The following CDH7 variants were observed in gnomAD, a reference collection of about 807,000 sequenced individuals.
CDH7 encodes cadherin 7.
In CDH7, 25 loss-of-function variants were observed where a neutral mutation model predicts 71.8. That is an observed-to-expected ratio of 0.35 (90% confidence interval 0.25 to 0.49). The LOEUF is 0.49. Ranked by LOEUF, CDH7 falls within the 20% of genes least tolerant of loss-of-function variation. The pLI, the probability that CDH7 is intolerant of heterozygous loss-of-function variation, is 0.99. For synonymous variants in CDH7, 381 were observed against 363.8 expected, an observed-to-expected ratio of 1.05 and a Z score of -0.54; for missense variants, 862 against 974.6, an observed-to-expected ratio of 0.88 and a Z score of 1.54.
intron 8 of CDH7, 27 bp downstream of exon 8, chr18:65,857,979 T>G: frequency 6.2e-7 from 1 of 1,608,050 alleles, no homozygotes. Flanking sequence ...AAAACTAAAT[T>G]AAGATGGAGG....
In CDH7 at chr18:65,886,398, G is replaced by A. The variant is rs185770217; in HGVS notation, c.*5504G>A. On this transcript the variant is annotated 3_prime_UTR_variant, in exon 12 of 12. Coordinates refer to ENST00000397968, the MANE Select transcript of CDH7 (RefSeq NM_004361.5). ...TAGATAATTGTCATAATTAATTGAA[G>A]CCACTCAAATACAGTTATTTATAAG... 6.6e-4 allele frequency: 25 copies of A among 37,922 alleles called. No homozygotes were observed. In the East Asian group the frequency reaches 7.0e-3, roughly 11 times the overall value. 2.3% of individuals were successfully genotyped at this position (37,922 alleles called of 1,614,324 possible). A position where few individuals can be genotyped will look rare whatever the true frequency, so the allele number is the denominator to read the frequency against.
At chr18:65,791,189 A>G (rs887671291) in intron 2 of CDH7, among the ~76,000 whole-genome samples, 2 of 152,204 alleles carry the variant, frequency 1.3e-5, no homozygotes, top group Non-Finnish European at 2.9e-5. Flanking sequence ...TTCATTTGAA[A>G]CATGAAACAT....
At chr18:65,779,393 G>T (rs1266194421) in intron 2 of CDH7, among the ~76,000 whole-genome samples, 1 of 111,776 alleles carries the variant, frequency 8.9e-6, no homozygotes, top group Non-Finnish European at 1.8e-5. Context: ...ATGCTGGTGC[G>T]CTGCACCCAC....
At chr18:65,800,712 A>G (rs1193074287) in intron 2 of CDH7, among the ~76,000 whole-genome samples, 1 of 152,176 alleles carries the variant, frequency 6.6e-6, no homozygotes, top group African/African-American at 2.4e-5. Context: ...ATTTAAATAG[A>G]TGTTTATAGA....
intron 3 of CDH7, among the ~76,000 whole-genome samples, chr18:65,811,296 C>A (rs1911526360): frequency 6.6e-6 from 1 of 151,844 alleles, no homozygotes; most frequent in Non-Finnish European, 1.5e-5. Flanking sequence ...TTAAGGGGAT[C>A]ACAGTTTAGT....
intron 6 of CDH7, among the ~76,000 whole-genome samples, chr18:65,841,274 T>C (rs1568214019): frequency 6.6e-6 from 1 of 152,136 alleles, no homozygotes; most frequent in African/African-American, 2.4e-5. Flanking sequence ...TAGATACATT[T>C]AAAAAAACAA....
intron 2 of CDH7, among the ~76,000 whole-genome samples, chr18:65,781,954 TTC>T (rs1320835143): frequency 1.2e-5 from 1 of 83,922 alleles, no homozygotes; most frequent in Non-Finnish European, 2.1e-5. Flanking sequence ...CTTTCTCTCT[TTC>T]TCTCTTTCTC....
At chr18:65,767,093 C>CT (rs1258283488) in intron 2 of CDH7, among the ~76,000 whole-genome samples, 1,833 of 136,458 alleles carry the variant, frequency 0.013, 37 homozygotes, top group East Asian at 0.07. Context: ...CTCTTTCTTT[C>CT]TTTTTTTTTT....
In CDH7 at chr18:65,829,361, G is replaced by A. The variant is rs569216134; in HGVS notation, c.981+4530G>A. On this transcript the variant is annotated intron_variant, in intron 6 of 11. Coordinates refer to ENST00000397968, the MANE Select transcript of CDH7 (RefSeq NM_004361.5). ...TCTCGATCTCCTGAACTTGTGATCC[G>A]CCCGCCTGGTCTGTAAAATTTTTAT... Among the ~76,000 whole-genome samples, 10 of 151,464 alleles carry A rather than the reference G, an allele frequency of 6.6e-5. No individual in the cohort carries two copies. The South Asian group carries it at 1.7e-3, about 25-fold the overall frequency.
intron 6 of CDH7, 40 bp downstream of exon 6, chr18:65,824,871 A>G: frequency 1.4e-6 from 2 of 1,402,500 alleles, no homozygotes; most frequent in Non-Finnish European, 2.0e-6. Context: ...CAGATTACTG[A>G]GAAGTCCTTT....
intron 2 of CDH7, among the ~76,000 whole-genome samples, chr18:65,800,976 AACCC>A (rs2143882739): frequency 6.6e-6 from 1 of 152,246 alleles, no homozygotes; most frequent in South Asian, 2.1e-4. Flanking sequence ...CACTTCCCTG[AACCC>A]CGGGCTCAGC....
chr18:65,813,619 C>T (rs1911621185), intron 3 of CDH7, among the ~76,000 whole-genome samples: 1 of 151,684 alleles, frequency 6.6e-6, no homozygotes. Context: ...AAGAAAGGGG[C>T]TTGTTCCATA....
At chr18:65,805,996 A>T (rs1911304545) in intron 2 of CDH7, among the ~76,000 whole-genome samples, 1 of 152,340 alleles carries the variant, frequency 6.6e-6, no homozygotes, top group South Asian at 2.1e-4. Context: ...GAATGAATGA[A>T]AAAGGGCTCA....
intron 2 of CDH7, among the ~76,000 whole-genome samples, chr18:65,764,632 A>G (rs1916299092): frequency 6.6e-6 from 1 of 152,074 alleles, no homozygotes; most frequent in African/African-American, 2.4e-5. Flanking sequence ...ATTTTCTTAA[A>G]TGGACAGAGC....
intron 11 of CDH7, among the ~76,000 whole-genome samples, chr18:65,879,668 C>T (rs2144070949): frequency 6.6e-6 from 1 of 152,240 alleles, no homozygotes; most frequent in South Asian, 2.1e-4. Flanking sequence ...AGTGCAACCT[C>T]CTGCTTTAAG....
chr18:65,788,337 G>A (rs1001282726), intron 2 of CDH7, among the ~76,000 whole-genome samples: 9 of 152,074 alleles, frequency 5.9e-5, no homozygotes, highest in African/African-American at 1.7e-4. Context: ...AAAATATGTG[G>A]TCATCATCAC....
rs527576543 is a variant in CDH7 at position 65,888,717 on chromosome 18, G to A, written c.*7823G>A. The stretch of plus-strand genomic sequence containing the variant: ...AGGTTTTTTAAGGAAAAACTTTGAT[G>A]CCCAGAATAACTGTAACTTATGCAA... On this transcript the variant is annotated 3_prime_UTR_variant, in exon 12 of 12. Coordinates refer to ENST00000397968, the MANE Select transcript of CDH7 (RefSeq NM_004361.5). 10 of 149,408 alleles carry A rather than the reference G, an allele frequency of 6.7e-5. No individual in the cohort carries two copies. The highest frequency in any genetic ancestry group is 1.3e-4 in the Non-Finnish European group (9 of 67,510). The allele number at this position is 149,408 out of a possible 1,614,324, so 9.3% of individuals were successfully genotyped here.
chr18:65,854,283 G>A (rs1057006354), intron 7 of CDH7, among the ~76,000 whole-genome samples: 1 of 132,360 alleles, frequency 7.6e-6, no homozygotes, highest in Non-Finnish European at 1.6e-5. Context: ...TCCAGCCTGG[G>A]CTACAGAGTA....
At chr18:65,804,276 T>A (rs1911232729) in intron 2 of CDH7, among the ~76,000 whole-genome samples, 1 of 152,118 alleles carries the variant, frequency 6.6e-6, no homozygotes, top group Non-Finnish European at 1.5e-5. Flanking sequence ...GTGGTCACAA[T>A]TATGCAAGTT....
Sources: gnomAD v4.1 joint callset for allele counts (sites outside exome capture counted in the v4.1 genomes callset) on GRCh38, gnomAD v4.1.1 for gene constraint, MANE v1.5 for transcripts, NCBI Gene and HGNC (gene_info 2026-07-23, HGNC 2026-07-21) for gene names.